NELL1: variants seen among roughly 807,000 people sequenced by gnomAD.
NELL1 encodes protein kinase C-binding protein NELL1.
In NELL1, 76 loss-of-function variants were observed where a neutral mutation model predicts 107.4. The observed-to-expected ratio is 0.71, with a 90% CI of 0.59 to 0.86. The LOEUF (loss-of-function observed/expected upper bound fraction) is 0.86, where lower values mean the gene tolerates loss of function less well. Ranked by LOEUF, NELL1 falls within the 40% of genes least tolerant of loss-of-function variation. The pLI is 0.00. For synonymous variants in NELL1, 353 were observed against 341.2 expected, an observed-to-expected ratio of 1.03 and a Z score of -0.38; for missense variants, 1,024 against 1,005.5, an observed-to-expected ratio of 1.02 and a Z score of -0.25.
intron 15 of NELL1, among the ~76,000 whole-genome samples, chr11:21,517,213 T>G (rs1436351811): frequency 6.6e-6 from 1 of 152,244 alleles, no homozygotes; most frequent in Non-Finnish European, 1.5e-5. Flanking sequence ...TTTCTACATG[T>G]AGAAGAGTGG....
chr11:21,081,032 G>T (rs1163546112), intron 12 of NELL1, among the ~76,000 whole-genome samples: 1 of 151,852 alleles, frequency 6.6e-6, no homozygotes, highest in Non-Finnish European at 1.5e-5. Flanking sequence ...GACCTTTCAA[G>T]TCATTTTCTT....
At chr11:20,761,716 A>G (rs1477456496) in intron 2 of NELL1, among the ~76,000 whole-genome samples, 3 of 152,118 alleles carry the variant, frequency 2.0e-5, no homozygotes, top group African/African-American at 7.2e-5. Context: ...TCTGGGAGAA[A>G]ATGTATTTGG....
intron 14 of NELL1, among the ~76,000 whole-genome samples, chr11:21,265,598 T>C (rs898328730): frequency 1.3e-5 from 2 of 152,006 alleles, no homozygotes; most frequent in African/African-American, 2.4e-5. Flanking sequence ...AAACAATGTT[T>C]ATAATCATTG....
At chr11:21,009,513 A>AG (rs2134284630) in intron 12 of NELL1, among the ~76,000 whole-genome samples, 1 of 152,190 alleles carries the variant, frequency 6.6e-6, no homozygotes, top group East Asian at 1.9e-4. Flanking sequence ...CACAGGCACA[A>AG]GGGTGCATAA....
At chr11:20,895,595 C>T (rs1393181930) in intron 5 of NELL1, among the ~76,000 whole-genome samples, 1 of 150,978 alleles carries the variant, frequency 6.6e-6, no homozygotes, top group Non-Finnish European at 1.5e-5. Flanking sequence ...AACCTCCGCC[C>T]CTCCAGGTTT....
At chr11:21,428,815 T>C (rs1470668322) in intron 15 of NELL1, among the ~76,000 whole-genome samples, 2 of 152,152 alleles carry the variant, frequency 1.3e-5, no homozygotes, top group East Asian at 1.9e-4. Context: ...AGCACATGTA[T>C]TGTTAGGTGA....
At chr11:21,452,454 A>G (rs980201535) in intron 15 of NELL1, among the ~76,000 whole-genome samples, 7 of 152,084 alleles carry the variant, frequency 4.6e-5, no homozygotes, top group South Asian at 4.1e-4. Context: ...CACTTGATCA[A>G]TGTTGTTTAA....
intron 16 of NELL1, among the ~76,000 whole-genome samples, chr11:21,547,155 G>A (rs1856463244): frequency 6.6e-6 from 1 of 151,904 alleles, no homozygotes; most frequent in Non-Finnish European, 1.5e-5. Flanking sequence ...CATGGAGTGG[G>A]GATATTTGGG....
intron 13 of NELL1, chr11:21,169,721 A>G: frequency 1.3e-6 from 1 of 763,834 alleles, no homozygotes; most frequent in Non-Finnish European, 2.0e-6. Context: ...ATCTTTTGGC[A>G]CAGAAGTAGT....
At chr11:21,068,913 A>T (rs1395711137) in intron 12 of NELL1, among the ~76,000 whole-genome samples, 2 of 152,216 alleles carry the variant, frequency 1.3e-5, no homozygotes, top group Non-Finnish European at 2.9e-5. Context: ...CCCCTAAATT[A>T]AGGCAGTGAC....
At chr11:21,535,586 T>C (rs1386703301) in intron 16 of NELL1, among the ~76,000 whole-genome samples, 2 of 152,210 alleles carry the variant, frequency 1.3e-5, no homozygotes, top group African/African-American at 2.4e-5. Context: ...GCATGCAGTA[T>C]AGTTACTAAA....
At chr11:21,557,041 T>A (rs1327552359) in intron 16 of NELL1, among the ~76,000 whole-genome samples, 2 of 151,950 alleles carry the variant, frequency 1.3e-5, no homozygotes, top group African/African-American at 4.8e-5. Context: ...CCTCTTCCCG[T>A]TGGCTGCCTT....
At chr11:21,385,212 A>G (rs1356685629) in intron 15 of NELL1, among the ~76,000 whole-genome samples, 1 of 151,872 alleles carries the variant, frequency 6.6e-6, no homozygotes, top group African/African-American at 2.4e-5. Flanking sequence ...GCCAGAAAAT[A>G]AACTCCAGAA....
intron 3 of NELL1, among the ~76,000 whole-genome samples, chr11:20,793,963 T>A (rs1359348171): frequency 6.6e-6 from 1 of 152,236 alleles, no homozygotes; most frequent in Non-Finnish European, 1.5e-5. Flanking sequence ...TGACTTTATA[T>A]GTAGCAACTT....
At chr11:20,692,547 A>C (rs900909557) in intron 2 of NELL1, among the ~76,000 whole-genome samples, 1 of 150,248 alleles carries the variant, frequency 6.7e-6, no homozygotes, top group Non-Finnish European at 1.5e-5. Flanking sequence ...TTATGTACCC[A>C]GTAGTCATTC....
intron 16 of NELL1, among the ~76,000 whole-genome samples, chr11:21,546,031 T>C (rs1251716909): frequency 6.6e-6 from 1 of 151,990 alleles, no homozygotes; most frequent in African/African-American, 2.4e-5. Context: ...ACTCTGAAAC[T>C]GTATGCAAGC....
chr11:20,868,885 A>T (rs746945212), intron 4 of NELL1, among the ~76,000 whole-genome samples: 9 of 152,164 alleles, frequency 5.9e-5, no homozygotes, highest in Non-Finnish European at 1.2e-4. Context: ...ACATTTTGAC[A>T]GCAATGTACA....
At chr11:20,878,087 G>A (rs958618223) in intron 4 of NELL1, among the ~76,000 whole-genome samples, 9 of 152,256 alleles carry the variant, frequency 5.9e-5, no homozygotes, top group African/African-American at 1.2e-4. Context: ...TGGGCCGGGC[G>A]CGGTGGCTCA....
chr11:20,937,715 T>C, intron 9 of NELL1, 71 bp from the exon 10 acceptor site: 3 of 1,050,152 alleles, frequency 2.9e-6, no homozygotes, highest in Admixed American at 3.4e-5. Flanking sequence ...TCTATTGGAG[T>C]TAGAAGGTAC....
Sources: gnomAD v4.1 joint callset for allele counts (sites outside exome capture counted in the v4.1 genomes callset) on GRCh38, gnomAD v4.1.1 for gene constraint, MANE v1.5 for transcripts, NCBI Gene and HGNC (gene_info 2026-07-23, HGNC 2026-07-21) for gene names.